GPATCH2: variants seen among roughly 807,000 people sequenced by gnomAD.
GPATCH2 encodes G-patch domain containing 2, also known as G patch domain-containing protein 2.
Under a neutral mutation model 58.0 loss-of-function variants are expected in GPATCH2, and 51 were observed. The observed-to-expected ratio is 0.88, with a 90% CI of 0.70 to 1.11. The LOEUF is 1.11. GPATCH2 is among the 50% of genes most tolerant of loss of function. The probability of loss-of-function intolerance (pLI) is 0.00; values close to 1 mark genes in which losing one functional copy is unlikely to be tolerated. For missense variants in GPATCH2, 625 were observed against 652.2 expected, an observed-to-expected ratio of 0.96 and a Z score of 0.45; for synonymous variants, 222 against 218.5, an observed-to-expected ratio of 1.02 and a Z score of -0.14.
intron 8 of GPATCH2, among the ~76,000 whole-genome samples, chr1:217,465,120 TTAAAC>T (rs1396744066): frequency 2.0e-5 from 3 of 151,222 alleles, no homozygotes; most frequent in Non-Finnish European, 1.5e-5. Flanking sequence ...ATTTCAGAAA[TTAAAC>T]TAAAAGGAAC....
At chr1:217,613,417 TA>T (rs1668729454) in intron 3 of GPATCH2, among the ~76,000 whole-genome samples, 1 of 152,164 alleles carries the variant, frequency 6.6e-6, no homozygotes, top group African/African-American at 2.4e-5. Context: ...TGTCTTCCTC[TA>T]ATGTATTCTT....
At chr1:217,539,805 G>T (rs969825248) in intron 5 of GPATCH2, among the ~76,000 whole-genome samples, 1 of 152,032 alleles carries the variant, frequency 6.6e-6, no homozygotes, top group African/African-American at 2.4e-5. Context: ...CTATGGTGAG[G>T]GCTTCAATGC....
intron 5 of GPATCH2, among the ~76,000 whole-genome samples, chr1:217,603,605 AATTTATTT>A (rs201623295): frequency 5.3e-5 from 8 of 151,742 alleles, no homozygotes; most frequent in African/African-American, 1.7e-4. Flanking sequence ...CAAAATAGAG[AATTTATTT>A]ATTTATTTAT....
chr1:217,589,710 T>A (rs1373151001), intron 5 of GPATCH2, among the ~76,000 whole-genome samples: 1 of 152,086 alleles, frequency 6.6e-6, no homozygotes, highest in Non-Finnish European at 1.5e-5. Context: ...GGGAAAAGAA[T>A]CATTAAATCT....
At chr1:217,574,833 C>A (rs770526736) in intron 5 of GPATCH2, among the ~76,000 whole-genome samples, 1 of 152,108 alleles carries the variant, frequency 6.6e-6, no homozygotes, top group African/African-American at 2.4e-5. Context: ...AAAGAGCAAG[C>A]TTATCTAGCA....
At chr1:217,508,079 A>G (rs1202520647) in intron 6 of GPATCH2, among the ~76,000 whole-genome samples, 1 of 152,120 alleles carries the variant, frequency 6.6e-6, no homozygotes, top group East Asian at 1.9e-4. Context: ...GTAAAAATAT[A>G]TAAGAAAGGA....
intron 9 of GPATCH2, among the ~76,000 whole-genome samples, chr1:217,437,277 C>T (rs1658883716): frequency 6.6e-6 from 1 of 152,136 alleles, no homozygotes. Context: ...CCACCAGGGC[C>T]CTGGGTTTCA....
chr1:217,629,224 T>C (rs551378410), intron 1 of GPATCH2, among the ~76,000 whole-genome samples: 28,197 of 149,134 alleles, frequency 0.19, 2,933 homozygotes, highest in Middle Eastern at 0.24. Context: ...ACATTCCAGA[T>C]AGTCATACAG....
chr1:217,626,931 A>G (rs529244171), intron 1 of GPATCH2, among the ~76,000 whole-genome samples: 73 of 152,220 alleles, frequency 4.8e-4, no homozygotes, highest in African/African-American at 1.6e-3. Context: ...GTAAATGATT[A>G]ATTACAACTT....
chr1:217,552,087 G>A (rs989082248), intron 5 of GPATCH2, among the ~76,000 whole-genome samples: 2 of 152,016 alleles, frequency 1.3e-5, no homozygotes, highest in South Asian at 4.1e-4. Flanking sequence ...ATATCTAGTT[G>A]TGAAATACGG....
At chr1:217,535,603 G>C (rs995924793) in intron 5 of GPATCH2, among the ~76,000 whole-genome samples, 2 of 152,056 alleles carry the variant, frequency 1.3e-5, no homozygotes, top group Non-Finnish European at 2.9e-5. Context: ...CATCCGCCTC[G>C]GCCTCCCAAA....
At chr1:217,435,333 A>C (rs539225535) in intron 9 of GPATCH2, among the ~76,000 whole-genome samples, 1 of 152,310 alleles carries the variant, frequency 6.6e-6, no homozygotes, top group African/African-American at 2.4e-5. Flanking sequence ...CTTTCCCCTC[A>C]AATCTTCCAA....
At chr1:217,629,060 G>A (rs1474582527) in intron 1 of GPATCH2, among the ~76,000 whole-genome samples, 1 of 152,072 alleles carries the variant, frequency 6.6e-6, no homozygotes, top group Non-Finnish European at 1.5e-5. Flanking sequence ...TACATGAGAT[G>A]ACACATATTT....
rs552806661 is a variant in GPATCH2, at chr1:217,449,395, C to T, written c.1278-58G>A. 7.9e-4 allele frequency: 786 copies of T among 993,108 alleles called. 18 individuals are homozygous for T. In the South Asian group the frequency reaches 9.5e-3, roughly 12 times the overall value. The allele number at this position is 993,108 out of a possible 1,614,324, so 61.5% of individuals were successfully genotyped here. On this transcript the variant is annotated intron_variant, in intron 8 of 9. Transcript: ENST00000366935. The stretch of plus-strand genomic sequence containing the variant: ...AAGAAGAAAAAATGACACATAAATA[C>T]ACAGCTTGTATCATCTGAACCTAAA...
rs1387975983 is a variant in GPATCH2 at position 217,430,919 on chromosome 1, G to A, written c.*226C>T. 3.6e-6 allele frequency: 2 copies of A among 561,702 alleles called. No homozygotes were observed. The highest frequency in any genetic ancestry group is 3.8e-5 in the African/African-American group (2 of 53,148). The allele number at this position is 561,702 out of a possible 1,614,324, so 34.8% of individuals were successfully genotyped here. A position where few individuals can be genotyped will look rare whatever the true frequency, so the allele number is the denominator to read the frequency against. On this transcript the variant is annotated 3_prime_UTR_variant, in exon 10 of 10. Transcript: ENST00000366935. ...CTGCTCTTTATACCTAGAAATAGCT[G>A]GAAATTACTGAAAAAAATTAAAGTG... is the stretch of plus-strand genomic sequence containing the variant.
At chr1:217,435,863 C>T (rs12117990) in intron 9 of GPATCH2, among the ~76,000 whole-genome samples, 44,834 of 152,034 alleles carry the variant, frequency 0.29, 6,846 homozygotes, top group Middle Eastern at 0.44. Flanking sequence ...ATTTCATTTA[C>T]TAATATAGAA....
intron 8 of GPATCH2, among the ~76,000 whole-genome samples, chr1:217,482,452 CAG>C (rs1486348332): frequency 6.6e-6 from 1 of 152,014 alleles, no homozygotes; most frequent in South Asian, 2.1e-4. Flanking sequence ...TACTTGTAGA[CAG>C]AGTGTTCTGG....
chr1:217,476,235 AGTGTGT>A (rs60995546), intron 8 of GPATCH2, among the ~76,000 whole-genome samples: 118 of 146,378 alleles, frequency 8.1e-4, no homozygotes, highest in African/African-American at 2.4e-3. Context: ...TCCAGATATG[AGTGTGT>A]GTGTGTGTGT....
chr1:217,567,430 G>T (rs1666304637), intron 5 of GPATCH2, among the ~76,000 whole-genome samples: 1 of 152,150 alleles, frequency 6.6e-6, no homozygotes, highest in Non-Finnish European at 1.5e-5. Flanking sequence ...TACCATTAAT[G>T]TAATGTCTTA....
Sources: gnomAD v4.1 joint callset for allele counts (sites outside exome capture counted in the v4.1 genomes callset) on GRCh38, gnomAD v4.1.1 for gene constraint, MANE v1.5 for transcripts, NCBI Gene and HGNC (gene_info 2026-07-23, HGNC 2026-07-21) for gene names.